RXRA: variants seen among roughly 807,000 people sequenced by gnomAD.
The protein encoded by RXRA is retinoid X receptor alpha.
In RXRA, 5 loss-of-function variants were observed where a neutral mutation model predicts 44.5. The observed-to-expected ratio is 0.11, with a 90% CI of 0.06 to 0.24. The LOEUF is 0.24. Ranked by LOEUF, RXRA falls within the 10% of genes least tolerant of loss-of-function variation. RXRA has a pLI of 1.00. For missense variants in RXRA, 412 were observed against 646.5 expected, an observed-to-expected ratio of 0.64 and a Z score of 3.93; for synonymous variants, 291 against 271.4, an observed-to-expected ratio of 1.07 and a Z score of -0.71.
At chr9:134,369,993 C>T (rs115086530) in intron 1 of RXRA, among the ~76,000 whole-genome samples, 1,704 of 152,248 alleles carry the variant, frequency 0.011, 27 homozygotes, top group African/African-American at 0.039. Context: ...CTCAGAGCCT[C>T]GGTGCACCGA....
chr9:134,419,938 C>T (rs1338280042), intron 5 of RXRA, among the ~76,000 whole-genome samples: 4 of 152,224 alleles, frequency 2.6e-5, no homozygotes, highest in African/African-American at 9.6e-5. Context: ...GTGCACACTG[C>T]AGGCACATGA....
At chr9:134,384,627 G>A (rs1036936629) in intron 1 of RXRA, among the ~76,000 whole-genome samples, 2 of 144,962 alleles carry the variant, frequency 1.4e-5, no homozygotes, top group East Asian at 1.9e-4. Flanking sequence ...AGGGCGTGCT[G>A]GGGGGCAGGG....
At chr9:134,347,924 G>C (rs1469958444) in intron 1 of RXRA, among the ~76,000 whole-genome samples, 5 of 152,168 alleles carry the variant, frequency 3.3e-5, no homozygotes, top group Non-Finnish European at 7.3e-5. Flanking sequence ...GAGGGTCCTG[G>C]CTGCCGGTGA....
chr9:134,342,870 AC>A lies in RXRA; in HGVS notation c.28+16213del, dbSNP rs1301142627. On this transcript the variant is annotated intron_variant, in intron 1 of 9. Transcript: ENST00000481739. The surrounding 1 kb of genome is among the most constrained non-coding windows in gnomAD (Gnocchi z 4.4). ...CTGTGGCCCTGCCACCACCACAGTG[AC>A]CTTCCCTTTGTATGTGAGTGATGTG... Among the ~76,000 whole-genome samples, 7 of 152,022 alleles carry A rather than the reference AC, an allele frequency of 4.6e-5. No individual in the cohort carries two copies. Among genetic ancestry groups the A allele is most frequent in the African/African-American group, 1.7e-4 (7 of 41,384 alleles).
Position 134,365,207 on chromosome 9 carries a change from C to T in RXRA, c.29-36425C>T, listed in dbSNP as rs185371331. On this transcript the variant is annotated intron_variant, in intron 1 of 9. Coordinates refer to ENST00000481739, the MANE Select transcript of RXRA (RefSeq NM_002957.6). This position sits in a 1 kb window ranked among gnomAD's most constrained non-coding sequence, Gnocchi z 4.0. ...GGAAAGCCCCTCGTGGGCCATCTCC[C>T]GGAGTTCTCTTGAGGGCCCCTGTCT... Among the ~76,000 whole-genome samples, 17 of 152,320 alleles carry T rather than the reference C, an allele frequency of 1.1e-4. No homozygotes were observed. The East Asian group carries it at 2.7e-3, about 24-fold the overall frequency.
At chr9:134,412,345 T>C (rs956593688) in intron 4 of RXRA, among the ~76,000 whole-genome samples, 2 of 152,196 alleles carry the variant, frequency 1.3e-5, no homozygotes, top group African/African-American at 4.8e-5. Flanking sequence ...ATCAGACCCC[T>C]AGAAACAGGC....
chr9:134,377,793 G>C lies in RXRA; in HGVS notation c.29-23839G>C, dbSNP rs576379238. 1.4e-4 allele frequency among the ~76,000 whole-genome samples: 21 copies of C among 152,320 alleles called. No homozygotes were observed. In the East Asian group the frequency reaches 3.3e-3, roughly 24 times the overall value. On this transcript the variant is annotated intron_variant, in intron 1 of 9. Coordinates refer to ENST00000481739, the MANE Select transcript of RXRA (RefSeq NM_002957.6). ...ATCTGTCATACCCTCGTGCTCTGCA[G>C]ACCAGCTTCTGTCCCCAGGAAGCCA...
intron 1 of RXRA, among the ~76,000 whole-genome samples, chr9:134,400,692 G>C (rs1269071423): frequency 2.0e-5 from 3 of 152,218 alleles, no homozygotes; most frequent in Non-Finnish European, 4.4e-5. Flanking sequence ...GGGGCAGGGG[G>C]GCACCTCCTG....
At chr9:134,403,637 G>A (rs1831000759) in intron 2 of RXRA, 2 of 152,452 alleles carry the variant, frequency 1.3e-5, no homozygotes, top group African/African-American at 4.8e-5. Flanking sequence ...GAATCCTCAG[G>A]GATGCCTGGT....
rs1479202296 is a variant in RXRA at position 134,417,862 on chromosome 9, C to A, written c.780+535C>A. ...TCTGCAGCCCCCCAGCTGGTCACCC[C>A]CATGCTGACCCTCCTGCCCCCTCCC... On this transcript the variant is annotated intron_variant, in intron 5 of 9. Coordinates refer to ENST00000481739, the MANE Select transcript of RXRA (RefSeq NM_002957.6). This position sits in a 1 kb window ranked among gnomAD's most constrained non-coding sequence, Gnocchi z 6.1. Among the ~76,000 whole-genome samples the A allele has an allele frequency of 6.6e-6, 1 of 152,012 alleles. No individual in the cohort carries two copies. Among genetic ancestry groups the A allele is most frequent in the East Asian group, 1.9e-4 (1 of 5,160 alleles).
intron 1 of RXRA, among the ~76,000 whole-genome samples, chr9:134,392,057 C>T (rs981407061): frequency 1.1e-4 from 16 of 152,200 alleles, no homozygotes; most frequent in Admixed American, 3.3e-4. Context: ...TGCAGGGGGC[C>T]GTGACAGTCA....
At chr9:134,329,263 A>G (rs927614669) in intron 1 of RXRA, among the ~76,000 whole-genome samples, 2 of 152,220 alleles carry the variant, frequency 1.3e-5, no homozygotes, top group African/African-American at 4.8e-5. Flanking sequence ...AATAGAGCAC[A>G]TTCCGGGGCC....
intron 1 of RXRA, among the ~76,000 whole-genome samples, chr9:134,395,107 G>T (rs914480975): frequency 3.9e-5 from 6 of 152,210 alleles, no homozygotes; most frequent in Non-Finnish European, 5.9e-5. Context: ...CTGGGACACC[G>T]TGGGCTCTCA....
Position 134,417,269 on chromosome 9 carries a change from C to T in RXRA, c.722C>T (p.Ala241Val). 6.2e-7 allele frequency: 1 copy of T among 1,613,856 alleles called. No homozygotes were observed. The highest frequency in any genetic ancestry group is 8.5e-7 in the Non-Finnish European group (1 of 1,179,974). The change falls in exon 5 of 10, where the codon GCC becomes GTC. Residue 241 changes from alanine to valine, a missense_variant. Transcript: ENST00000481739. The surrounding 1 kb of genome is among the most constrained non-coding windows in gnomAD (Gnocchi z 6.1). ...PVERILEAEL[A>V]VEPKTETYVE... ...GAGAGGATCCTGGAGGCTGAGCTGG[C>T]CGTGGAGCCCAAGACCGAGACCTAC... is the stretch of plus-strand genomic sequence containing the variant.
At chr9:134,395,178 C>T (rs561302011) in intron 1 of RXRA, among the ~76,000 whole-genome samples, 41 of 152,360 alleles carry the variant, frequency 2.7e-4, no homozygotes, top group Middle Eastern at 6.8e-3. Context: ...TCTGCAACCC[C>T]GGTCACTCCG....
chr9:134,355,771 G>A (rs1217711753), intron 1 of RXRA, among the ~76,000 whole-genome samples: 6 of 152,198 alleles, frequency 3.9e-5, no homozygotes, highest in Non-Finnish European at 7.3e-5. Flanking sequence ...AGGCAGGTAG[G>A]GACCTGGCCC....
chr9:134,357,233 C>T lies in RXRA; in HGVS notation c.28+30574C>T, dbSNP rs536036172. Among the ~76,000 whole-genome samples the T allele has an allele frequency of 2.3e-4, 35 of 152,336 alleles. 1 individual carries two copies. The South Asian group carries it at 5.0e-3, about 22-fold the overall frequency. On this transcript the variant is annotated intron_variant, in intron 1 of 9. Transcript: ENST00000481739. ...CGGTTGGACAGGTTTGGCTCCTGCC[C>T]CGGGTGGAGGGCCCTTCTCCAGAGC...
chr9:134,361,450 C>T lies in RXRA; in HGVS notation c.28+34791C>T, dbSNP rs75429306. Among the ~76,000 whole-genome samples the T allele has an allele frequency of 4.8e-3, 726 of 152,248 alleles. 7 individuals are homozygous for T. Among genetic ancestry groups the T allele is most frequent in the East Asian group, 0.028 (142 of 5,156 alleles). On this transcript the variant is annotated intron_variant, in intron 1 of 9. Transcript: ENST00000481739. ...CTTGCCTACCTGGTGCCGACCCTGT[C>T]GTTTCTCTTTGTCTCCCGGCTGGGT...
At chr9:134,331,370 C>G (rs920605691) in intron 1 of RXRA, among the ~76,000 whole-genome samples, 1 of 152,224 alleles carries the variant, frequency 6.6e-6, no homozygotes, top group Non-Finnish European at 1.5e-5. Context: ...AAAATTGGCC[C>G]GGCCGCTGTG....
Sources: gnomAD v4.1 joint callset for allele counts (sites outside exome capture counted in the v4.1 genomes callset) on GRCh38, gnomAD v4.1.1 for gene constraint, Gnocchi (gnomAD v3.1) non-coding constraint, MANE v1.5 for transcripts, NCBI Gene and HGNC (gene_info 2026-07-23, HGNC 2026-07-21) for gene names.